The following CCDC13 variants were observed in gnomAD, a reference collection of about 807,000 sequenced individuals.
The protein encoded by CCDC13 is coiled-coil domain-containing protein 13.
CCDC13 carries 70 observed loss-of-function variants against 87.3 expected under a neutral mutation model. The observed-to-expected ratio is 0.80, with a 90% CI of 0.66 to 0.98. CCDC13 has a LOEUF of 0.98. CCDC13 is among the 50% of genes least tolerant of loss of function. The pLI, the probability that CCDC13 is intolerant of heterozygous loss-of-function variation, is 0.00. For missense variants in CCDC13, 842 were observed against 892.0 expected (o/e 0.94, Z 0.71); for synonymous variants, 317 against 360.3 (o/e 0.88, Z 1.36).
rs769257896 is a variant in CCDC13, at chr3:42,709,005, C to T, written c.2123G>A (p.Arg708Gln). 3.2e-5 allele frequency: 51 copies of T among 1,613,104 alleles called. No individual in the cohort carries two copies. The highest frequency in any genetic ancestry group is 2.9e-4 in the East Asian group (13 of 44,864). ...QVKSVFLQAL[R>Q]QQKTGKQ The stretch of plus-strand genomic sequence containing the variant: ...CTATTGCTTGCCTGTCTTCTGCTGC[C>T]GCAGGGCCTGCAGGAAGACACTTTT... Residue 708 changes from arginine to glutamine, a missense_variant, in exon 16 of 16, where the codon CGG (arginine) becomes CAG (glutamine). Physicochemically the swap from Arg to Gln is conservative, Grantham distance 43 (BLOSUM62 1). Transcript: ENST00000310232.
intron 14 of CCDC13, among the ~76,000 whole-genome samples, chr3:42,711,353 G>A (rs537226987): frequency 6.6e-6 from 1 of 152,100 alleles, no homozygotes; most frequent in South Asian, 2.1e-4. Context: ...GAGGTGGTGT[G>A]ACCCACAGTA....
At position 42,709,668 on chromosome 3, in the gene CCDC13, C is replaced by G; in HGVS notation, c.1988+16G>C. ...AGACAACCCTACCCTTTCAGGAAGG[C>G]GGGGCAGGGGAGCACCTGGTTGTCA... is the stretch of plus-strand genomic sequence containing the variant. On this transcript the variant is annotated intron_variant, in intron 15 of 15. Transcript: ENST00000310232. 6.3e-7 allele frequency: 1 copy of G among 1,599,222 alleles called. No homozygotes were observed. The highest frequency in any genetic ancestry group is 1.1e-5 in the South Asian group (1 of 90,744).
intron 1 of CCDC13, among the ~76,000 whole-genome samples, chr3:42,762,694 T>C (rs1699859135): frequency 6.6e-6 from 1 of 152,216 alleles, no homozygotes; most frequent in African/African-American, 2.4e-5. Flanking sequence ...CTCTGCCCTA[T>C]GTGTCTCTTT....
Position 42,708,965 on chromosome 3 carries a change from C to T in CCDC13, c.*15G>A. On this transcript the variant is annotated 3_prime_UTR_variant, in exon 16 of 16. Transcript: ENST00000310232. ...GAGGCTGCCCACCCGGCCAGGCCGA[C>T]ACTGGGCTGTCATCCTATTGCTTGC... 6 of 1,605,680 alleles carry T rather than the reference C, an allele frequency of 3.7e-6. No individual in the cohort carries two copies. The highest frequency in any genetic ancestry group is 5.1e-6 in the Non-Finnish European group (6 of 1,175,980).
At chr3:42,724,274 C>T (rs1275406827) in intron 13 of CCDC13, among the ~76,000 whole-genome samples, 1 of 152,208 alleles carries the variant, frequency 6.6e-6, no homozygotes, top group Non-Finnish European at 1.5e-5. Context: ...TAAATATTAT[C>T]CTCACTCATG....
intron 13 of CCDC13, among the ~76,000 whole-genome samples, chr3:42,715,808 C>G (rs1182093610): frequency 6.6e-6 from 1 of 152,116 alleles, no homozygotes; most frequent in African/African-American, 2.4e-5. Flanking sequence ...TAAAGGATAA[C>G]TTTGTCCCCA....
At chr3:42,749,529 G>A (rs985470927) in intron 5 of CCDC13, among the ~76,000 whole-genome samples, 1 of 152,270 alleles carries the variant, frequency 6.6e-6, no homozygotes, top group African/African-American at 2.4e-5. Flanking sequence ...TCCTGATGGA[G>A]GGCAATGCTG....
At chr3:42,741,882 G>A (rs897149377) in intron 8 of CCDC13, among the ~76,000 whole-genome samples, 5 of 152,198 alleles carry the variant, frequency 3.3e-5, no homozygotes, top group Admixed American at 6.5e-5. Context: ...TACAGCGCTG[G>A]GAGGTGCAAT....
intron 1 of CCDC13, chr3:42,770,927 C>T (rs924312037): frequency 1.5e-4 from 23 of 152,328 alleles, no homozygotes; most frequent in African/African-American, 5.5e-4. Context: ...AAACTCCAGA[C>T]ACGCCACCTT....
intron 3 of CCDC13, among the ~76,000 whole-genome samples, chr3:42,753,028 C>T (rs1321811124): frequency 2.0e-5 from 3 of 152,230 alleles, no homozygotes; most frequent in Non-Finnish European, 4.4e-5. Flanking sequence ...GATAGGATTA[C>T]ATCCATATCC....
chr3:42,748,433 G>A (rs1030290305), intron 5 of CCDC13, among the ~76,000 whole-genome samples: 1 of 152,244 alleles, frequency 6.6e-6, no homozygotes, highest in Non-Finnish European at 1.5e-5. Flanking sequence ...AGGCAATGAC[G>A]CTGAGGCCCT....
At chr3:42,727,879 G>C (rs1332327790) in intron 13 of CCDC13, among the ~76,000 whole-genome samples, 1 of 151,666 alleles carries the variant, frequency 6.6e-6, no homozygotes, top group African/African-American at 2.4e-5. Flanking sequence ...GGGAAGAAAG[G>C]AGAAAAAAAG....
chr3:42,761,733 G>A (rs182812325), intron 1 of CCDC13, among the ~76,000 whole-genome samples: 26 of 152,280 alleles, frequency 1.7e-4, no homozygotes, highest in African/African-American at 5.1e-4. Context: ...GGCATTAAGC[G>A]CTTTGGATTT....
chr3:42,736,943 T>C (rs115069801), intron 9 of CCDC13, among the ~76,000 whole-genome samples: 1 of 152,180 alleles, frequency 6.6e-6, no homozygotes, highest in Admixed American at 6.5e-5. Flanking sequence ...ACATAAGTTG[T>C]AGGGTACATG....
chr3:42,762,049 A>C (rs778369811), intron 1 of CCDC13, among the ~76,000 whole-genome samples: 3 of 152,248 alleles, frequency 2.0e-5, no homozygotes, highest in Non-Finnish European at 4.4e-5. Flanking sequence ...CCAAATCCCC[A>C]GGATACAATC....
At chr3:42,754,581 G>A (rs543174767) in intron 3 of CCDC13, among the ~76,000 whole-genome samples, 1 of 152,172 alleles carries the variant, frequency 6.6e-6, no homozygotes, top group Non-Finnish European at 1.5e-5. Flanking sequence ...CTCTTTTGCT[G>A]AATACAACCA....
chr3:42,715,300 ACT>A (rs1489935284), intron 13 of CCDC13, among the ~76,000 whole-genome samples: 2 of 120,174 alleles, frequency 1.7e-5, no homozygotes, highest in South Asian at 3.4e-4. Context: ...CAGGAGCGAA[ACT>A]CTGTCTCAAA....
chr3:42,767,786 C>T (rs1324218534), intron 1 of CCDC13, among the ~76,000 whole-genome samples: 1 of 152,040 alleles, frequency 6.6e-6, no homozygotes, highest in Non-Finnish European at 1.5e-5. Flanking sequence ...ACCACCCTGG[C>T]AAATGTGGTA....
At chr3:42,752,520 C>T (rs1303170143) in intron 4 of CCDC13, 55 bp downstream of exon 4, 7 of 1,607,632 alleles carry the variant, frequency 4.4e-6, no homozygotes, top group Non-Finnish European at 4.2e-6. Context: ...AGGGAGGTTC[C>T]CTCTTGCCCA....
Sources: allele counts gnomAD v4.1 joint callset (sites outside exome capture counted in the v4.1 genomes callset), GRCh38; gene constraint gnomAD v4.1.1; transcripts MANE v1.5; gene names NCBI Gene and HGNC (gene_info 2026-07-23, HGNC 2026-07-21).